The following MYO6 variants were observed in gnomAD, a reference collection of about 807,000 sequenced individuals.
MYO6 encodes the protein unconventional myosin-VI.
A neutral mutation model predicts 178.7 loss-of-function variants in MYO6; 74 were observed. That is an observed-to-expected ratio of 0.41 (90% CI 0.34 to 0.50). The LOEUF (loss-of-function observed/expected upper bound fraction) is 0.50, where lower values mean the gene tolerates loss of function less well. Among genes scored for constraint, MYO6 ranks in the 20% least tolerant of loss-of-function variants. The pLI is 0.09. For synonymous variants in MYO6, 477 were observed against 504.6 expected, an observed-to-expected ratio of 0.95 and a Z score of 0.73; for missense variants, 1,330 against 1,547.4, an observed-to-expected ratio of 0.86 and a Z score of 2.36.
At chr6:75,810,182 T>C (rs573610880) in intron 1 of MYO6, among the ~76,000 whole-genome samples, 39 of 152,094 alleles carry the variant, frequency 2.6e-4, no homozygotes, top group African/African-American at 7.0e-4. Context: ...GGTAAATGTC[T>C]CTTTTCAGAC....
chr6:75,768,326 C>CATTTTATTTTATTTTATTTTATTTT (rs57473480), intron 1 of MYO6, among the ~76,000 whole-genome samples: 4 of 119,476 alleles, frequency 3.3e-5, no homozygotes, highest in South Asian at 3.0e-4. Context: ...GTAAATAATT[C>CATTTTATTTTATTTTATTTTATTTT]ATTTTATTTT....
chr6:75,888,133 T>TA (rs915874611), intron 25 of MYO6, among the ~76,000 whole-genome samples: 2 of 151,124 alleles, frequency 1.3e-5, no homozygotes, highest in Non-Finnish European at 2.9e-5. Flanking sequence ...CTACTGAAAA[T>TA]ACCAAAGTTA....
chr6:75,902,199 G>A (rs1410015632), intron 30 of MYO6, among the ~76,000 whole-genome samples: 1 of 152,100 alleles, frequency 6.6e-6, no homozygotes, highest in African/African-American at 2.4e-5. Context: ...TTTTGGTTGT[G>A]TCTCTGCTAG....
chr6:75,869,659 G>A (rs1776977032), intron 18 of MYO6, among the ~76,000 whole-genome samples: 1 of 152,070 alleles, frequency 6.6e-6, no homozygotes, highest in South Asian at 2.1e-4. Flanking sequence ...TTATTTTGCA[G>A]AGTAGTAAGG....
At chr6:75,827,466 C>G (rs768684629) in intron 3 of MYO6, among the ~76,000 whole-genome samples, 9 of 152,102 alleles carry the variant, frequency 5.9e-5, no homozygotes, top group Non-Finnish European at 1.2e-4. Context: ...GAGCTCTGAT[C>G]AGACATGAAT....
At chr6:75,843,064 A>T (rs1459751428) in intron 9 of MYO6, among the ~76,000 whole-genome samples, 1 of 152,126 alleles carries the variant, frequency 6.6e-6, no homozygotes, top group Non-Finnish European at 1.5e-5. Context: ...TTCCTCTCAT[A>T]TGCAGGCACA....
rs1777069580 is a variant in MYO6, at chr6:75,870,633, C to T, written c.1945-14C>T. ...GCTTTTTGAAATAATAAACTGATTT[C>T]CTTTCTTTCACAGACACAGTTAAAT... On this transcript the variant is annotated splice_polypyrimidine_tract_variant and intron_variant, in intron 18 of 34. Coordinates refer to ENST00000369977, the MANE Select transcript of MYO6 (RefSeq NM_004999.4). The T allele has an allele frequency of 6.2e-7, 1 of 1,609,216 alleles. No individual in the cohort carries two copies. The highest frequency in any genetic ancestry group is 8.5e-7 in the Non-Finnish European group (1 of 1,176,428).
At chr6:75,842,842 G>T (rs975570514) in intron 9 of MYO6, among the ~76,000 whole-genome samples, 1 of 152,112 alleles carries the variant, frequency 6.6e-6, no homozygotes, top group East Asian at 1.9e-4. Flanking sequence ...AGGCTTGGGA[G>T]TATAGTATTT....
chr6:75,788,104 A>G (rs1380774804), intron 1 of MYO6, among the ~76,000 whole-genome samples: 4 of 151,958 alleles, frequency 2.6e-5, no homozygotes, highest in East Asian at 1.9e-4. Context: ...GAATTTTACT[A>G]TATGTAAATT....
At position 75,848,541 on chromosome 6, in the gene MYO6, TTA is replaced by T. The variant is rs1223416829; in HGVS notation, c.1078+12_1078+13del. 2 of 1,608,476 alleles carry T rather than the reference TTA, an allele frequency of 1.2e-6. No individual in the cohort carries two copies. The highest frequency in any genetic ancestry group is 4.5e-5 in the East Asian group (2 of 44,320). The stretch of plus-strand genomic sequence containing the variant: ...GCTGGCAGCACTTCAGGTTTGCTTT[TTA>T]TTTTTTTAAGAGGAAAAAAATTAAA... On this transcript the variant is annotated intron_variant, in intron 11 of 34. Coordinates refer to ENST00000369977, the MANE Select transcript of MYO6 (RefSeq NM_004999.4).
chr6:75,792,030 A>C (rs1446294231), intron 1 of MYO6, among the ~76,000 whole-genome samples: 7 of 152,208 alleles, frequency 4.6e-5, no homozygotes, highest in Admixed American at 4.6e-4. Context: ...GACAAAGAGG[A>C]GCCTTGTCCT....
intron 1 of MYO6, among the ~76,000 whole-genome samples, chr6:75,753,455 G>GTATATATA (rs58108910): frequency 5.0e-5 from 7 of 140,040 alleles, no homozygotes; most frequent in South Asian, 2.3e-4. Flanking sequence ...GTGTGTGTGT[G>GTATATATA]TATATATATA....
intron 1 of MYO6, among the ~76,000 whole-genome samples, chr6:75,798,345 T>G (rs912265840): frequency 6.6e-6 from 1 of 152,188 alleles, no homozygotes; most frequent in African/African-American, 2.4e-5. Context: ...GGTCTGTCTG[T>G]TTTTGTACCA....
At chr6:75,782,909 C>CTTTTT (rs397888755) in intron 1 of MYO6, among the ~76,000 whole-genome samples, 5 of 117,974 alleles carry the variant, frequency 4.2e-5, no homozygotes, top group Admixed American at 1.7e-4. Flanking sequence ...AGCTAGTTAG[C>CTTTTT]TTTTTTTTTT....
chr6:75,807,320 C>G (rs996474326), intron 1 of MYO6, among the ~76,000 whole-genome samples: 44 of 151,974 alleles, frequency 2.9e-4, no homozygotes, highest in Non-Finnish European at 5.1e-4. Flanking sequence ...CTCTGTGTGT[C>G]TGTTTTCTAG....
chr6:75,775,989 C>T (rs1431434418), intron 1 of MYO6, among the ~76,000 whole-genome samples: 1 of 152,176 alleles, frequency 6.6e-6, no homozygotes, highest in African/African-American at 2.4e-5. Context: ...TCTTTTAATA[C>T]TCCATTCAAA....
intron 2 of MYO6, among the ~76,000 whole-genome samples, chr6:75,822,342 C>G (rs565298532): frequency 6.5e-4 from 99 of 152,298 alleles, no homozygotes; most frequent in Non-Finnish European, 1.1e-3. Context: ...GGATGATCCA[C>G]CCGCCTCGGC....
intron 30 of MYO6, among the ~76,000 whole-genome samples, chr6:75,904,132 C>G (rs1427581996): frequency 6.6e-6 from 1 of 151,866 alleles, no homozygotes; most frequent in East Asian, 1.9e-4. Flanking sequence ...TGAGGGTAAC[C>G]CGACCTTTCT....
chr6:75,770,562 C>T (rs1406794840), intron 1 of MYO6, among the ~76,000 whole-genome samples: 1 of 152,084 alleles, frequency 6.6e-6, no homozygotes, highest in East Asian at 1.9e-4. Context: ...TTGCAACCTC[C>T]GCCTCCCGGG....
Sources: allele counts gnomAD v4.1 joint callset (sites outside exome capture counted in the v4.1 genomes callset), GRCh38; gene constraint gnomAD v4.1.1; transcripts MANE v1.5; gene names NCBI Gene and HGNC (gene_info 2026-07-23, HGNC 2026-07-21).